Variants in LYN observed in about 807,000 individuals in gnomAD.
LYN encodes tyrosine-protein kinase Lyn.
A neutral mutation model predicts 65.0 loss-of-function variants in LYN; 12 were observed. The ratio of observed to expected loss-of-function variants is 0.18; its 90% CI spans 0.12 to 0.30. The LOEUF (loss-of-function observed/expected upper bound fraction) is 0.30, where lower values mean the gene tolerates loss of function less well. Among genes scored for constraint, LYN ranks in the 10% least tolerant of loss-of-function variants. The pLI, the probability that LYN is intolerant of heterozygous loss-of-function variation, is 1.00. For missense variants in LYN, 380 were observed against 623.2 expected (o/e 0.61, Z 4.16); for synonymous variants, 222 against 221.2 (o/e 1.00, Z -0.03).
At position 55,946,390 on chromosome 8, in the gene LYN, G is replaced by T; in HGVS notation, c.133-58G>T. On this transcript the variant is annotated intron_variant, in intron 2 of 12. Transcript: ENST00000519728. ...GTTACAAAAATCATATATACAACAC[G>T]AATGTGAGTAAGAAAAGCTAAACAG... The T allele has an allele frequency of 3.7e-6, 4 of 1,081,786 alleles. No individual in the cohort carries two copies. In the South Asian group the frequency reaches 5.1e-5, roughly 14 times the overall value. 67.0% of individuals were successfully genotyped at this position (1,081,786 alleles called of 1,614,324 possible). A position where few individuals can be genotyped will look rare whatever the true frequency, so the allele number is the denominator to read the frequency against.
chr8:55,966,953 T>C, intron 9 of LYN, 56 bp downstream of exon 9: 2 of 1,522,844 alleles, frequency 1.3e-6, no homozygotes, highest in South Asian at 1.2e-5. Flanking sequence ...AAAAGTAAAA[T>C]GTGTAAGTGT....
At chr8:55,905,891 G>A (rs2130392088) in intron 1 of LYN, among the ~76,000 whole-genome samples, 1 of 152,284 alleles carries the variant, frequency 6.6e-6, no homozygotes, top group East Asian at 1.9e-4. Flanking sequence ...CACACCTCTG[G>A]CAGTCCCAGA....
chr8:55,891,309 G>A (rs1242789837), intron 1 of LYN, among the ~76,000 whole-genome samples: 1 of 150,006 alleles, frequency 6.7e-6, no homozygotes, highest in African/African-American at 2.5e-5. Flanking sequence ...TCGAGATCCC[G>A]CGACTGCACT....
chr8:55,969,800 T>C lies in LYN; in HGVS notation c.1050+7T>C. On this transcript the variant is annotated splice_region_variant and intron_variant, in intron 10 of 12. Coordinates refer to ENST00000519728, the MANE Select transcript of LYN (RefSeq NM_002350.4). ...CATTGACTTTTCTGCTCAGGTAACATATTCAAAAAGCCCCGTGTGCACGTG... is the reference window on the plus strand; with the variant it reads ...CATTGACTTTTCTGCTCAGGTAACACATTCAAAAAGCCCCGTGTGCACGTG... The C allele has an allele frequency of 1.2e-6, 2 of 1,613,668 alleles. No homozygotes were observed. Among genetic ancestry groups the C allele is most frequent in the Non-Finnish European group, 1.7e-6 (2 of 1,179,518 alleles).
intron 1 of LYN, among the ~76,000 whole-genome samples, chr8:55,904,815 G>T (rs1805374666): frequency 1.3e-5 from 2 of 152,130 alleles, no homozygotes; most frequent in African/African-American, 2.4e-5. Flanking sequence ...CTAGGGTGGA[G>T]CTCAGGGTTT....
intron 10 of LYN, among the ~76,000 whole-genome samples, chr8:55,982,986 C>G (rs1490748580): frequency 6.6e-6 from 1 of 152,090 alleles, no homozygotes; most frequent in Non-Finnish European, 1.5e-5. Context: ...CTTGGAGACA[C>G]TCATTGCCCC....
intron 1 of LYN, among the ~76,000 whole-genome samples, chr8:55,902,230 A>G (rs1044494432): frequency 6.6e-6 from 1 of 151,154 alleles, no homozygotes; most frequent in African/African-American, 2.4e-5. Context: ...CTGGTCTCGA[A>G]CTCCCAACCT....
At chr8:55,953,370 G>A (rs542578717) in intron 7 of LYN, among the ~76,000 whole-genome samples, 52 of 152,230 alleles carry the variant, frequency 3.4e-4, no homozygotes, top group South Asian at 1.9e-3. Flanking sequence ...ATTTCAGGCC[G>A]GGCTTGGTGG....
At chr8:56,005,245 C>T (rs1808640509) in intron 12 of LYN, among the ~76,000 whole-genome samples, 1 of 152,210 alleles carries the variant, frequency 6.6e-6, no homozygotes, top group Admixed American at 6.5e-5. Context: ...GCCCTAATGT[C>T]TGGTTTATTT....
chr8:55,921,580 G>A (rs1805949411), intron 1 of LYN, among the ~76,000 whole-genome samples: 1 of 152,162 alleles, frequency 6.6e-6, no homozygotes, highest in Non-Finnish European at 1.5e-5. Context: ...TGGGTTTTGA[G>A]TTACGTTTGG....
chr8:55,909,011 ACACACACACACAC>A (rs1805515842), intron 1 of LYN, among the ~76,000 whole-genome samples: 1 of 18,072 alleles, frequency 5.5e-5, no homozygotes, highest in Non-Finnish European at 9.6e-5. Flanking sequence ...ATATATATAT[ACACACACACACAC>A]ACACACACAC....
intron 2 of LYN, among the ~76,000 whole-genome samples, chr8:55,945,383 A>G (rs1397245984): frequency 6.6e-6 from 1 of 152,256 alleles, no homozygotes; most frequent in Non-Finnish European, 1.5e-5. Context: ...CTAAAAAATC[A>G]ACATAAAACT....
intron 10 of LYN, among the ~76,000 whole-genome samples, chr8:55,987,327 G>C (rs993853507): frequency 6.6e-6 from 1 of 151,468 alleles, no homozygotes; most frequent in Non-Finnish European, 1.5e-5. Context: ...AGAATTGCTC[G>C]AGCCCCGGAG....
At chr8:55,884,648 T>C (rs1585559105) in intron 1 of LYN, among the ~76,000 whole-genome samples, 1 of 151,336 alleles carries the variant, frequency 6.6e-6, no homozygotes, top group Non-Finnish European at 1.5e-5. Flanking sequence ...TAGAGATGGG[T>C]TTCACCATGT....
intron 1 of LYN, among the ~76,000 whole-genome samples, chr8:55,894,735 G>A (rs761246309): frequency 5.3e-5 from 8 of 152,002 alleles, no homozygotes; most frequent in African/African-American, 7.2e-5. Flanking sequence ...GGGTTTTGCC[G>A]TGTTGGCCAG....
rs144115759 is a variant in LYN, at chr8:55,955,600, G to A, written c.790+1616G>A. 3.8e-3 allele frequency among the ~76,000 whole-genome samples: 574 copies of A among 152,186 alleles called. 3 individuals carry two copies. The highest frequency in any genetic ancestry group is 0.013 in the African/African-American group (544 of 41,518). On this transcript the variant is annotated intron_variant, in intron 8 of 12. Transcript: ENST00000519728. The stretch of plus-strand genomic sequence containing the variant: ...TGGCATTTAGTACATTCACAATATT[G>A]TGTAGCCACCACCTCCATCTACTTT...
At chr8:55,979,951 T>G (rs1807872729) in intron 10 of LYN, among the ~76,000 whole-genome samples, 1 of 152,150 alleles carries the variant, frequency 6.6e-6, no homozygotes, top group African/African-American at 2.4e-5. Context: ...CATCAAGACC[T>G]GTTCCTTGGA....
chr8:55,985,605 A>G (rs1438088109), intron 10 of LYN, among the ~76,000 whole-genome samples: 1 of 149,168 alleles, frequency 6.7e-6, no homozygotes, highest in Non-Finnish European at 1.5e-5. Flanking sequence ...AAGTTCTTTA[A>G]GGTATTTTGT....
intron 1 of LYN, among the ~76,000 whole-genome samples, chr8:55,930,821 C>T (rs967906991): frequency 4.6e-5 from 7 of 152,106 alleles, no homozygotes; most frequent in Non-Finnish European, 2.9e-5. Context: ...GCCATCAGCT[C>T]ATCCCAGGAC....
Sources: allele counts gnomAD v4.1 joint callset (sites outside exome capture counted in the v4.1 genomes callset), GRCh38; gene constraint gnomAD v4.1.1; transcripts MANE v1.5; gene names NCBI Gene and HGNC (gene_info 2026-07-23, HGNC 2026-07-21).